EDIL3: variants seen among roughly 807,000 people sequenced by gnomAD.
The protein encoded by EDIL3 is EGF-like repeat and discoidin I-like domain-containing protein 3.
A neutral mutation model predicts 67.4 loss-of-function variants in EDIL3; 37 were observed. That is an observed-to-expected ratio of 0.55 (90% CI 0.42 to 0.72). The LOEUF (loss-of-function observed/expected upper bound fraction) is 0.72. EDIL3 is among the 30% of genes least tolerant of loss of function. EDIL3 has a pLI of 0.00. For synonymous variants in EDIL3, 195 were observed against 196.3 expected, an observed-to-expected ratio of 0.99 and a Z score of 0.05; for missense variants, 527 against 586.3, an observed-to-expected ratio of 0.90 and a Z score of 1.04.
intron 4 of EDIL3, among the ~76,000 whole-genome samples, chr5:84,166,670 T>C (rs912562916): frequency 4.0e-5 from 6 of 151,734 alleles, no homozygotes; most frequent in African/African-American, 1.2e-4. Context: ...GCTAAGAAAA[T>C]AAAGATGAGT....
chr5:84,230,595 T>C (rs1363458010), intron 2 of EDIL3, among the ~76,000 whole-genome samples: 2 of 152,044 alleles, frequency 1.3e-5, no homozygotes, highest in East Asian at 1.9e-4. Context: ...TTAGTAGAGA[T>C]GGAGTTTCTC....
At chr5:84,330,393 T>A (rs1746844343) in intron 1 of EDIL3, among the ~76,000 whole-genome samples, 1 of 152,160 alleles carries the variant, frequency 6.6e-6, no homozygotes, top group South Asian at 2.1e-4. Flanking sequence ...TAATTATAGA[T>A]CTCAAAGGTA....
chr5:84,315,814 T>A (rs1297153855), intron 1 of EDIL3, among the ~76,000 whole-genome samples: 1 of 152,072 alleles, frequency 6.6e-6, no homozygotes, highest in Non-Finnish European at 1.5e-5. Context: ...ATCGTCAGAT[T>A]CACCCAGGTT....
chr5:84,055,110 G>T (rs559723546), intron 9 of EDIL3, among the ~76,000 whole-genome samples: 1 of 145,984 alleles, frequency 6.9e-6, no homozygotes, highest in South Asian at 2.2e-4. Flanking sequence ...CCAAAACAGA[G>T]ATACCGACCA....
rs573920668 is a variant in EDIL3 at position 84,257,162 on chromosome 5, C to A, written c.68-2950G>T. On this transcript the variant is annotated intron_variant, in intron 1 of 10. Transcript: ENST00000296591. ...AATTATCCCATCATTATGGAGAGTG[C>A]CTTAAGAATCCTTTCTGGTGCCTTA... Among the ~76,000 whole-genome samples the A allele has an allele frequency of 3.3e-5, 5 of 152,266 alleles. No homozygotes were observed. The South Asian group carries it at 1.0e-3, about 32-fold the overall frequency.
At chr5:84,143,047 TA>T (rs1580347289) in intron 4 of EDIL3, among the ~76,000 whole-genome samples, 1 of 152,074 alleles carries the variant, frequency 6.6e-6, no homozygotes, top group African/African-American at 2.4e-5. Context: ...GATTGCCTTT[TA>T]AAGTTTGACC....
intron 1 of EDIL3, among the ~76,000 whole-genome samples, chr5:84,369,255 C>A: frequency 9.0e-6 from 1 of 110,782 alleles, no homozygotes; most frequent in Non-Finnish European, 2.0e-5. Flanking sequence ...TATAAATATA[C>A]ACACACATAT....
At chr5:84,294,370 G>T (rs1210023225) in intron 1 of EDIL3, among the ~76,000 whole-genome samples, 3 of 127,440 alleles carry the variant, frequency 2.4e-5, no homozygotes, top group Non-Finnish European at 3.1e-5. Context: ...GGGTGACAGA[G>T]CGAGACTCTG....
chr5:84,259,667 A>C (rs1375889426), intron 1 of EDIL3, among the ~76,000 whole-genome samples: 1 of 152,192 alleles, frequency 6.6e-6, no homozygotes, highest in Non-Finnish European at 1.5e-5. Context: ...ATCGGACTGC[A>C]TGATTCTGCA....
chr5:84,240,465 T>C (rs555537615), intron 2 of EDIL3, among the ~76,000 whole-genome samples: 1 of 152,274 alleles, frequency 6.6e-6, no homozygotes, highest in East Asian at 1.9e-4. Context: ...TGAACCGGTA[T>C]GGGTCCCTGG....
chr5:84,336,228 T>A lies in EDIL3; in HGVS notation c.67+48080A>T, dbSNP rs141969181. 5.8e-3 allele frequency among the ~76,000 whole-genome samples: 876 copies of A among 152,262 alleles called. 4 individuals carry two copies. The highest frequency in any genetic ancestry group is 0.02 in the African/African-American group (811 of 41,550). On this transcript the variant is annotated intron_variant, in intron 1 of 10. Coordinates refer to ENST00000296591, the MANE Select transcript of EDIL3 (RefSeq NM_005711.5). ...ATGACAGTGGAACTAGCATGTTCAA[T>A]GACAAGTATAAAGACCTGCGTGTAT...
chr5:84,046,494 G>A (rs983338600), intron 9 of EDIL3, among the ~76,000 whole-genome samples: 4 of 152,166 alleles, frequency 2.6e-5, no homozygotes, highest in African/African-American at 9.7e-5. Context: ...GACTGGCTCT[G>A]CAATCTTTAA....
intron 3 of EDIL3, among the ~76,000 whole-genome samples, chr5:84,194,013 AC>A (rs1743645812): frequency 6.6e-6 from 1 of 152,082 alleles, no homozygotes; most frequent in Non-Finnish European, 1.5e-5. Context: ...ATAGGGAACC[AC>A]TTTCACATTT....
At chr5:84,350,956 A>G (rs71638279) in intron 1 of EDIL3, among the ~76,000 whole-genome samples, 1,956 of 152,210 alleles carry the variant, frequency 0.013, 14 homozygotes, top group Non-Finnish European at 0.02. Flanking sequence ...CTTCTTTGGT[A>G]CTGAGTCTTT....
chr5:84,075,907 C>G (rs1234388171), intron 6 of EDIL3, among the ~76,000 whole-genome samples: 1 of 149,254 alleles, frequency 6.7e-6, no homozygotes. Flanking sequence ...CACACACACA[C>G]ACACACACAC....
intron 1 of EDIL3, among the ~76,000 whole-genome samples, chr5:84,267,706 T>C (rs1178362369): frequency 6.6e-6 from 1 of 152,236 alleles, no homozygotes; most frequent in Non-Finnish European, 1.5e-5. Flanking sequence ...CATTTGAATG[T>C]ATTTATGTAT....
At chr5:84,236,568 A>G (rs904542039) in intron 2 of EDIL3, among the ~76,000 whole-genome samples, 3 of 151,976 alleles carry the variant, frequency 2.0e-5, no homozygotes, top group African/African-American at 7.2e-5. Context: ...TAACCCCACT[A>G]CCTTTTAAAC....
At chr5:84,205,449 T>C (rs979069442) in intron 3 of EDIL3, among the ~76,000 whole-genome samples, 2 of 152,246 alleles carry the variant, frequency 1.3e-5, no homozygotes, top group Non-Finnish European at 2.9e-5. Context: ...AGAAGTAATA[T>C]GAAATGTGCA....
chr5:84,224,061 T>C (rs1056143802), intron 3 of EDIL3, among the ~76,000 whole-genome samples: 2 of 151,342 alleles, frequency 1.3e-5, no homozygotes, highest in African/African-American at 4.8e-5. Context: ...AACCTCCTCT[T>C]AGGCAAGAGA....
Sources: allele counts gnomAD v4.1 joint callset (sites outside exome capture counted in the v4.1 genomes callset), GRCh38; gene constraint gnomAD v4.1.1; transcripts MANE v1.5; gene names NCBI Gene and HGNC (gene_info 2026-07-23, HGNC 2026-07-21).